The following PPP1R12A variants were observed in gnomAD, a reference collection of about 807,000 sequenced individuals.
PPP1R12A encodes protein phosphatase 1 regulatory subunit 12A.
PPP1R12A carries 19 observed loss-of-function variants against 139.6 expected under a neutral mutation model. The observed-to-expected ratio is 0.14, with a 90% confidence interval of 0.09 to 0.20. The LOEUF is 0.20. Among genes scored for constraint, PPP1R12A ranks in the 10% least tolerant of loss-of-function variants. PPP1R12A has a pLI of 1.00. For missense variants in PPP1R12A, 925 were observed against 1,211.5 expected (o/e 0.76, Z 3.51); for synonymous variants, 427 against 420.6 (o/e 1.02, Z -0.19).
chr12:79,872,998 A>T (rs1882726148), intron 1 of PPP1R12A, 60 bp from the exon 2 acceptor site: 1 of 1,473,860 alleles, frequency 6.8e-7, no homozygotes, highest in Admixed American at 2.1e-5. Context: ...CAAATAATAC[A>T]TCAATAGAAT....
intron 1 of PPP1R12A, among the ~76,000 whole-genome samples, chr12:79,899,828 C>T (rs1223927260): frequency 6.6e-6 from 1 of 152,156 alleles, no homozygotes; most frequent in Non-Finnish European, 1.5e-5. Context: ...ACATCACCAA[C>T]AATGAGAGTT....
chr12:79,895,072 T>G (rs1885013586), intron 1 of PPP1R12A, among the ~76,000 whole-genome samples: 1 of 152,230 alleles, frequency 6.6e-6, no homozygotes, highest in African/African-American at 2.4e-5. Flanking sequence ...ACAACTTCTG[T>G]GTCAGTTCTA....
At chr12:79,914,442 T>C (rs1025860763) in intron 1 of PPP1R12A, among the ~76,000 whole-genome samples, 21 of 152,074 alleles carry the variant, frequency 1.4e-4, no homozygotes, top group African/African-American at 4.8e-4. Flanking sequence ...ATTTTTAATA[T>C]TATAAAGGGG....
At chr12:79,782,442 T>C in intron 22 of PPP1R12A, 1 of 327,190 alleles carries the variant, frequency 3.1e-6, no homozygotes, top group Non-Finnish European at 6.0e-6. Flanking sequence ...TACAGCTTTC[T>C]TCTGCTGGTG....
intron 5 of PPP1R12A, among the ~76,000 whole-genome samples, chr12:79,826,751 T>C (rs1432553025): frequency 6.6e-6 from 1 of 152,246 alleles, no homozygotes; most frequent in African/African-American, 2.4e-5. Context: ...CAATATATTG[T>C]GTATGTTTCA....
At chr12:79,933,577 T>C (rs756629203) in intron 1 of PPP1R12A, among the ~76,000 whole-genome samples, 20 of 152,214 alleles carry the variant, frequency 1.3e-4, no homozygotes, top group Non-Finnish European at 2.4e-4. Context: ...GCAAAGTCAT[T>C]TTCTATTACA....
intron 19 of PPP1R12A, among the ~76,000 whole-genome samples, chr12:79,791,486 C>A (rs1565740514): frequency 1.3e-5 from 2 of 152,096 alleles, no homozygotes; most frequent in African/African-American, 2.4e-5. Context: ...ACCATCACAT[C>A]CGACTAATTT....
At chr12:79,933,949 C>G (rs1592858940) in intron 1 of PPP1R12A, among the ~76,000 whole-genome samples, 1 of 152,286 alleles carries the variant, frequency 6.6e-6, no homozygotes, top group East Asian at 1.9e-4. Context: ...ACCCGAGGAC[C>G]TGGGGCTCAA....
At chr12:79,903,209 T>C (rs376559392) in intron 1 of PPP1R12A, among the ~76,000 whole-genome samples, 20 of 152,188 alleles carry the variant, frequency 1.3e-4, no homozygotes, top group Non-Finnish European at 2.6e-4. Context: ...TCCCAACATT[T>C]TGGGAGGCCG....
At chr12:79,866,271 C>A (rs192100544) in intron 2 of PPP1R12A, among the ~76,000 whole-genome samples, 109 of 152,212 alleles carry the variant, frequency 7.2e-4, no homozygotes, top group Non-Finnish European at 1.3e-3. Flanking sequence ...TAGCCATATG[C>A]AGAAAACTGA....
rs557158794 is a variant in PPP1R12A, at chr12:79,887,512, C to T, written c.238-14574G>A. ...AGCGATATAGCGAAATAAAGGAAAA[C>T]TCAATATGTGAATGGAAATAAGTTA... On this transcript the variant is annotated intron_variant, in intron 1 of 24. Coordinates refer to ENST00000450142, the MANE Select transcript of PPP1R12A (RefSeq NM_002480.3). Among the ~76,000 whole-genome samples, 96 of 152,114 alleles carry T rather than the reference C, an allele frequency of 6.3e-4. 4 individuals carry two copies. In the South Asian group the frequency reaches 0.019, roughly 30 times the overall value.
At chr12:79,903,282 C>T (rs1885808437) in intron 1 of PPP1R12A, among the ~76,000 whole-genome samples, 1 of 152,004 alleles carries the variant, frequency 6.6e-6, no homozygotes, top group African/African-American at 2.4e-5. Flanking sequence ...GAAACCCCAT[C>T]TCTACTAAAA....
chr12:79,784,332 C>G (rs982192561), intron 22 of PPP1R12A, among the ~76,000 whole-genome samples: 2 of 152,152 alleles, frequency 1.3e-5, no homozygotes, highest in African/African-American at 4.8e-5. Flanking sequence ...AAGGCAGAAG[C>G]TGGGATATTT....
rs1167052815 is a variant in PPP1R12A at position 79,874,523 on chromosome 12, ATTG to A, written c.238-1588_238-1586del. Among the ~76,000 whole-genome samples the A allele has an allele frequency of 4.6e-5, 7 of 152,238 alleles. No individual in the cohort carries two copies. In the East Asian group the frequency reaches 1.4e-3, roughly 29 times the overall value. On this transcript the variant is annotated intron_variant, in intron 1 of 24. Coordinates refer to ENST00000450142, the MANE Select transcript of PPP1R12A (RefSeq NM_002480.3). ...TGTCATTTGGTAACAGGGGTAAATCATTGTTATTTTTAAATGAATTAATTGTAT... is the reference window on the plus strand; with the variant it reads ...TGTCATTTGGTAACAGGGGTAAATCATTATTTTTAAATGAATTAATTGTAT...
chr12:79,832,082 G>A (rs757473118), intron 4 of PPP1R12A, among the ~76,000 whole-genome samples: 75 of 152,190 alleles, frequency 4.9e-4, no homozygotes, highest in Admixed American at 1.4e-3. Context: ...GAGAATAGGT[G>A]ACTGACACTT....
chr12:79,773,592 A>AAAAT lies in PPP1R12A; in HGVS notation c.*2333_*2336dup, dbSNP rs2136950291. ...ATTCTGCATACAGACAGCTTTATGT[A>AAAAT]AAATATATAAACATTTGTCCAAATT... On this transcript the variant is annotated 3_prime_UTR_variant, in exon 25 of 25. Coordinates refer to ENST00000450142, the MANE Select transcript of PPP1R12A (RefSeq NM_002480.3). The AAAAT allele has an allele frequency of 6.6e-6, 1 of 152,342 alleles. No homozygotes were observed. The highest frequency in any genetic ancestry group is 2.4e-5 in the African/African-American group (1 of 41,582). The allele number at this position is 152,342 out of a possible 1,614,324, so 9.4% of individuals were successfully genotyped here. A position where few individuals can be genotyped will look rare whatever the true frequency, so the allele number is the denominator to read the frequency against.
intron 1 of PPP1R12A, among the ~76,000 whole-genome samples, chr12:79,883,821 G>A (rs951362660): frequency 6.6e-6 from 1 of 152,224 alleles, no homozygotes; most frequent in African/African-American, 2.4e-5. Context: ...ACAGACATTT[G>A]TGATACCTTA....
rs574583405 is a variant in PPP1R12A, at chr12:79,906,707, G to A, written c.237+27988C>T. On this transcript the variant is annotated intron_variant, in intron 1 of 24. Transcript: ENST00000450142. ...TGGACAGGCTGGAGTGCAGTGGCAC[G>A]ATCTTGGCTCACTGCAACTTCCGCC... Among the ~76,000 whole-genome samples the A allele has an allele frequency of 5.5e-4, 84 of 152,164 alleles. 1 individual carries two copies. Among genetic ancestry groups the A allele is most frequent in the African/African-American group, 1.7e-3 (72 of 41,528 alleles).
chr12:79,925,887 C>A (rs999681463), intron 1 of PPP1R12A, among the ~76,000 whole-genome samples: 2 of 152,162 alleles, frequency 1.3e-5, no homozygotes, highest in Non-Finnish European at 2.9e-5. Context: ...TGCATTATTT[C>A]TAATATTACC....
Sources: gnomAD v4.1 joint callset for allele counts (sites outside exome capture counted in the v4.1 genomes callset) on GRCh38, gnomAD v4.1.1 for gene constraint, MANE v1.5 for transcripts, NCBI Gene and HGNC (gene_info 2026-07-23, HGNC 2026-07-21) for gene names.